Variants in SPATS2 observed in about 807,000 individuals in gnomAD.
SPATS2 encodes spermatogenesis-associated serine-rich protein 2.
In SPATS2, 38 loss-of-function variants were observed where a neutral mutation model predicts 63.7. The observed-to-expected ratio is 0.60, with a 90% CI of 0.46 to 0.78. The LOEUF is 0.78. Ranked by LOEUF, SPATS2 falls within the 30% of genes least tolerant of loss-of-function variation. SPATS2 has a pLI of 0.00. For synonymous variants in SPATS2, 207 were observed against 232.9 expected (o/e 0.89, Z 1.01); for missense variants, 588 against 666.2 (o/e 0.88, Z 1.29).
chr12:49,383,239 GA>G (rs1488683418), intron 2 of SPATS2, among the ~76,000 whole-genome samples: 10 of 151,888 alleles, frequency 6.6e-5, no homozygotes, highest in African/African-American at 1.2e-4. Context: ...GGCTGGTCTC[GA>G]ATTCCTGACC....
intron 3 of SPATS2, among the ~76,000 whole-genome samples, chr12:49,478,578 A>G (rs1946156315): frequency 6.6e-6 from 1 of 152,152 alleles, no homozygotes; most frequent in African/African-American, 2.4e-5. Context: ...ATGAGATACC[A>G]TTTCTGTAAG....
At chr12:49,512,837 G>A in intron 9 of SPATS2, 1 of 1,287,852 alleles carries the variant, frequency 7.8e-7, no homozygotes, top group Non-Finnish European at 1.0e-6. Context: ...TCCTGTCTCA[G>A]TTGTGCTTTT....
intron 2 of SPATS2, among the ~76,000 whole-genome samples, chr12:49,438,937 G>A (rs1592397051): frequency 6.6e-6 from 1 of 152,064 alleles, no homozygotes; most frequent in East Asian, 1.9e-4. Flanking sequence ...TTGTCCTCAA[G>A]TTTACATCCT....
intron 2 of SPATS2, among the ~76,000 whole-genome samples, chr12:49,446,859 T>G (rs754310426): frequency 2.0e-5 from 3 of 152,174 alleles, no homozygotes; most frequent in Admixed American, 6.5e-5. Context: ...TGGGGAGATA[T>G]CTTTAGAATT....
At chr12:49,521,711 C>G (rs1177059305) in intron 11 of SPATS2, among the ~76,000 whole-genome samples, 1 of 152,006 alleles carries the variant, frequency 6.6e-6, no homozygotes, top group African/African-American at 2.4e-5. Flanking sequence ...TCCGTCATTC[C>G]TATTATGTCT....
intron 8 of SPATS2, among the ~76,000 whole-genome samples, chr12:49,499,830 T>G (rs1663309861): frequency 6.6e-6 from 1 of 152,210 alleles, no homozygotes; most frequent in South Asian, 2.1e-4. Context: ...TATTTTGTCT[T>G]TGTATGTTTT....
chr12:49,453,438 C>A (rs1945660613), intron 2 of SPATS2, among the ~76,000 whole-genome samples: 1 of 152,078 alleles, frequency 6.6e-6, no homozygotes, highest in South Asian at 2.1e-4. Flanking sequence ...TCTGTGGAAT[C>A]TTTTTCTCAC....
intron 2 of SPATS2, among the ~76,000 whole-genome samples, chr12:49,437,309 A>G (rs1234025006): frequency 1.2e-4 from 14 of 116,934 alleles, no homozygotes; most frequent in Admixed American, 1.7e-4. Flanking sequence ...CCTAGATGGG[A>G]TGGCGGCCGG....
In SPATS2 at chr12:49,489,499, G is replaced by T; in HGVS notation, c.140G>T (p.Ser47Ile). ...GTACGTGCAATAGTTCCTAATAAGA[G>T]CAACAATGAAATTATCCTGGTTTTG... is the stretch of plus-strand genomic sequence containing the variant. ...NAVRAIVPNK[S>I]NNEIILVLQH... Residue 47 changes from serine (S) to isoleucine (I), a missense_variant, in exon 5 of 14, where the codon AGC becomes ATC. Transcript: ENST00000552918. The T allele has an allele frequency of 6.2e-7, 1 of 1,613,746 alleles. No homozygotes were observed. Among genetic ancestry groups the T allele is most frequent in the Non-Finnish European group, 8.5e-7 (1 of 1,179,816 alleles).
chr12:49,511,078 A>G (rs1025711867), intron 9 of SPATS2, among the ~76,000 whole-genome samples: 1 of 151,900 alleles, frequency 6.6e-6, no homozygotes, highest in Non-Finnish European at 1.5e-5. Context: ...CCACGTGCCC[A>G]TAGTCCCAGC....
intron 2 of SPATS2, among the ~76,000 whole-genome samples, chr12:49,381,278 G>A (rs1478028167): frequency 6.6e-6 from 1 of 152,070 alleles, no homozygotes; most frequent in African/African-American, 2.4e-5. Flanking sequence ...TTTAATTGCT[G>A]TAAAACACTC....
chr12:49,495,088 G>A (rs1946443347), intron 7 of SPATS2, 86 bp downstream of exon 7: 38 of 1,366,394 alleles, frequency 2.8e-5, no homozygotes, highest in Non-Finnish European at 3.6e-5. Flanking sequence ...ATTAAATCTA[G>A]TTAGTCTTTT....
chr12:49,397,779 A>G (rs911851278), intron 2 of SPATS2, among the ~76,000 whole-genome samples: 2 of 142,218 alleles, frequency 1.4e-5, no homozygotes, highest in South Asian at 2.4e-4. Context: ...GCAGTGAGCT[A>G]TGATGGTGTC....
At chr12:49,409,522 G>T (rs1191672508) in intron 2 of SPATS2, among the ~76,000 whole-genome samples, 1 of 150,030 alleles carries the variant, frequency 6.7e-6, no homozygotes, top group African/African-American at 2.5e-5. Flanking sequence ...AGCCAGGATG[G>T]TCTCAATCTC....
At chr12:49,378,498 C>T (rs1056709717) in intron 2 of SPATS2, among the ~76,000 whole-genome samples, 3 of 151,736 alleles carry the variant, frequency 2.0e-5, no homozygotes, top group Admixed American at 6.6e-5. Context: ...CGGGTTTCAC[C>T]GTTTTAGTCA....
At chr12:49,403,667 G>A (rs1311307730) in intron 2 of SPATS2, among the ~76,000 whole-genome samples, 1 of 149,836 alleles carries the variant, frequency 6.7e-6, no homozygotes, top group Non-Finnish European at 1.5e-5. Flanking sequence ...CTCTGTTATG[G>A]CTTATTGATT....
In SPATS2 at chr12:49,496,842, T is replaced by A. The variant is rs1230272061; in HGVS notation, c.536T>A (p.Leu179Gln). 32 of 1,614,182 alleles carry A rather than the reference T, an allele frequency of 2.0e-5. No homozygotes were observed. The highest frequency in any genetic ancestry group is 2.6e-5 in the Non-Finnish European group (31 of 1,180,006). Residue 179 changes from leucine to glutamine, a missense_variant, in exon 8 of 14, where the codon CTG becomes CAG. Transcript: ENST00000552918. ...LDTLDRTGSMLQNGVSDFETK... is the reference protein window; with the variant it reads ...LDTLDRTGSMQQNGVSDFETK... ...CCTCTTTCTTGGACAGGATCCATGC[T>A]GCAGAATGGTGTCTCTGATTTTGAG...
In SPATS2 at chr12:49,367,834, GGA is replaced by G. The variant is rs1943928218; in HGVS notation, c.-307+249_-307+250del. Among the ~76,000 whole-genome samples, 4 of 151,950 alleles carry G rather than the reference GGA, an allele frequency of 2.6e-5. No individual in the cohort carries two copies. The South Asian group carries it at 8.3e-4, about 32-fold the overall frequency. On this transcript the variant is annotated intron_variant, in intron 1 of 13. Coordinates refer to ENST00000552918, the MANE Select transcript of SPATS2 (RefSeq NM_023071.4). ...CAGACGGATAGGCCGGGGAAACAAT[GGA>G]GTGTGGGGGGGACTCTGGCGTGAGC...
intron 2 of SPATS2, among the ~76,000 whole-genome samples, chr12:49,377,648 G>A (rs980901022): frequency 1.3e-5 from 2 of 151,970 alleles, no homozygotes; most frequent in African/African-American, 4.8e-5. Context: ...ACTGAATGGC[G>A]TTAGTTATGA....
Sources: gnomAD v4.1 joint callset for allele counts (sites outside exome capture counted in the v4.1 genomes callset) on GRCh38, gnomAD v4.1.1 for gene constraint, MANE v1.5 for transcripts, NCBI Gene and HGNC (gene_info 2026-07-23, HGNC 2026-07-21) for gene names.